DCDC2C: variants seen among roughly 807,000 people sequenced by gnomAD.
DCDC2C encodes doublecortin domain containing 2C.
DCDC2C carries 44 observed loss-of-function variants against 45.0 expected under a neutral mutation model. The ratio of observed to expected loss-of-function variants is 0.98; its 90% confidence interval spans 0.77 to 1.26. DCDC2C has a LOEUF of 1.26. Ranked by LOEUF, DCDC2C falls within the 50% of genes most tolerant of loss-of-function variation. DCDC2C has a pLI of 0.00. For synonymous variants in DCDC2C, 187 were observed against 178.8 expected, an observed-to-expected ratio of 1.05 and a Z score of -0.37; for missense variants, 447 against 468.9, an observed-to-expected ratio of 0.95 and a Z score of 0.43.
chr2:3,717,326 C>T (rs1303953951), intron 2 of DCDC2C, among the ~76,000 whole-genome samples: 2 of 152,190 alleles, frequency 1.3e-5, no homozygotes. Flanking sequence ...ACTCATTGGC[C>T]TCTGACTCCA....
In DCDC2C at chr2:3,847,923, G is replaced by T. The variant is rs183278965; in HGVS notation, c.*740G>T. Among the ~76,000 whole-genome samples the T allele has an allele frequency of 8.3e-4, 127 of 152,252 alleles. No homozygotes were observed. Among genetic ancestry groups the T allele is most frequent in the African/African-American group, 2.9e-3 (120 of 41,548 alleles). On this transcript the variant is annotated 3_prime_UTR_variant, in exon 11 of 11. Transcript: ENST00000399143. ...TCCCCTTCGCCCTTCTGCTATGATT[G>T]TAAGTTTCCTGAGGCCTCCCAAGCC...
At chr2:3,725,421 C>T (rs1668619085) in intron 2 of DCDC2C, among the ~76,000 whole-genome samples, 1 of 104,708 alleles carries the variant, frequency 9.6e-6, no homozygotes. Flanking sequence ...GAGGAGGCTG[C>T]CAGGTGGATC....
At chr2:3,730,986 G>A (rs192578992) in intron 3 of DCDC2C, among the ~76,000 whole-genome samples, 2 of 152,314 alleles carry the variant, frequency 1.3e-5, no homozygotes, top group Admixed American at 6.5e-5. Flanking sequence ...ACTCGTGCAC[G>A]AACACCTCCC....
chr2:3,778,306 T>G (rs529064061), intron 8 of DCDC2C, among the ~76,000 whole-genome samples: 90 of 152,304 alleles, frequency 5.9e-4, no homozygotes, highest in African/African-American at 2.1e-3. Context: ...TGGAGAGTCT[T>G]TTCTTTGGTC....
At chr2:3,776,305 C>G (rs1670334860) in intron 8 of DCDC2C, among the ~76,000 whole-genome samples, 1 of 152,220 alleles carries the variant, frequency 6.6e-6, no homozygotes, top group Non-Finnish European at 1.5e-5. Context: ...TCTGTCTCCC[C>G]TCATGCGTGG....
rs1471977122 is a variant in DCDC2C at position 3,769,383 on chromosome 2, A to G, written c.926A>G (p.Asn309Ser). ...GCGCTGGACGTCAAAGAGGAGCACA[A>G]TGTGCAGCTGGAGGTGCCTGTGGAC... ...QGALDVKEEHNVQLEVPVDQR... is the reference protein window; with the variant it reads ...QGALDVKEEHSVQLEVPVDQR... Residue 309 changes from asparagine (N) to serine (S), a missense_variant, in exon 8 of 11, where the codon AAT becomes AGT. By Grantham distance (46) the Asn-to-Ser change is conservative (BLOSUM62 1). Coordinates refer to ENST00000399143, the MANE Select transcript of DCDC2C (RefSeq NM_001287444.2). The G allele has an allele frequency of 2.6e-6, 4 of 1,550,508 alleles. No homozygotes were observed. The highest frequency in any genetic ancestry group is 2.4e-5 in the East Asian group (1 of 40,916).
chr2:3,753,242 T>A (rs772300798), intron 5 of DCDC2C, among the ~76,000 whole-genome samples: 6 of 152,236 alleles, frequency 3.9e-5, no homozygotes, highest in Non-Finnish European at 8.8e-5. Context: ...CATGATGCTT[T>A]GTTTTCTTAA....
At chr2:3,739,786 C>T (rs576684323) in intron 3 of DCDC2C, among the ~76,000 whole-genome samples, 156 of 152,356 alleles carry the variant, frequency 1.0e-3, no homozygotes, top group Admixed American at 6.0e-3. Flanking sequence ...TGCAACAAGG[C>T]AGGGGTCTAA....
intron 10 of DCDC2C, among the ~76,000 whole-genome samples, chr2:3,792,164 G>A (rs534419151): frequency 6.6e-6 from 1 of 152,192 alleles, no homozygotes; most frequent in Non-Finnish European, 1.5e-5. Context: ...GGTATCTCCC[G>A]TGGGGTTAGA....
At chr2:3,730,305 C>G (rs1302014744) in intron 3 of DCDC2C, among the ~76,000 whole-genome samples, 2 of 151,970 alleles carry the variant, frequency 1.3e-5, no homozygotes, top group African/African-American at 4.8e-5. Context: ...ATAAAGAAAC[C>G]GAGTCCCTTA....
chr2:3,769,251 T>C, intron 7 of DCDC2C, 60 bp from the exon 8 acceptor site: 1 of 1,487,110 alleles, frequency 6.7e-7, no homozygotes, highest in Non-Finnish European at 9.2e-7. Flanking sequence ...TCAGGAAATA[T>C]GCAGTGGACT....
At chr2:3,740,448 G>T (rs1007475203) in intron 3 of DCDC2C, among the ~76,000 whole-genome samples, 2 of 152,146 alleles carry the variant, frequency 1.3e-5, no homozygotes, top group African/African-American at 4.8e-5. Flanking sequence ...TGGTGTGCCT[G>T]TTTCTCAATA....
rs796931347 is a variant in DCDC2C at position 3,800,371 on chromosome 2, A to G, written c.1065+15271A>G. On this transcript the variant is annotated intron_variant, in intron 10 of 10. Transcript: ENST00000399143. ...GGAGCTGTAGACCAGAGCTGTTCCT[A>G]TTCGGCCATCTTGGCTCCTCCCTCT... Among the ~76,000 whole-genome samples the G allele has an allele frequency of 2.4e-4, 37 of 152,258 alleles. No individual in the cohort carries two copies. In the East Asian group the frequency reaches 4.6e-3, roughly 19 times the overall value.
intron 10 of DCDC2C, among the ~76,000 whole-genome samples, chr2:3,835,354 A>G (rs541724879): frequency 1.5e-4 from 23 of 152,354 alleles, no homozygotes; most frequent in Non-Finnish European, 2.8e-4. Flanking sequence ...TGCAATAAAA[A>G]TAGAGATAAA....
At chr2:3,709,843 A>G (rs975186773) in intron 2 of DCDC2C, among the ~76,000 whole-genome samples, 2 of 152,188 alleles carry the variant, frequency 1.3e-5, no homozygotes, top group African/African-American at 4.8e-5. Context: ...ATATTTTAGG[A>G]CAGGGAGGAA....
rs559143104 is a variant in DCDC2C, at chr2:3,734,610, G to A, written c.417-7310G>A. Among the ~76,000 whole-genome samples the A allele has an allele frequency of 3.9e-5, 6 of 152,292 alleles. No homozygotes were observed. The highest frequency in any genetic ancestry group is 9.6e-5 in the African/African-American group (4 of 41,564). Reference sequence around the variant, plus strand: ...GCAGTGGGGTCTGTAGGGTCTGAACGGGATGAGGAATGTGTGTGTCTAATA... The same window carrying A: ...GCAGTGGGGTCTGTAGGGTCTGAACAGGATGAGGAATGTGTGTGTCTAATA... On this transcript the variant is annotated intron_variant, in intron 3 of 10. Coordinates refer to ENST00000399143, the MANE Select transcript of DCDC2C (RefSeq NM_001287444.2). This position sits in a 1 kb window ranked among gnomAD's most constrained non-coding sequence, Gnocchi z 4.2.
chr2:3,726,899 C>G, intron 2 of DCDC2C, 104 bp from the exon 3 acceptor site: 1 of 1,005,842 alleles, frequency 9.9e-7, no homozygotes, highest in Non-Finnish European at 1.5e-6. Context: ...CAAAGGGGTT[C>G]CCCCCCTTTC....
intron 9 of DCDC2C, among the ~76,000 whole-genome samples, chr2:3,780,415 C>A (rs997568321): frequency 6.6e-6 from 1 of 152,212 alleles, no homozygotes; most frequent in Non-Finnish European, 1.5e-5. Flanking sequence ...TCTACTCAGG[C>A]TGCTGGGGGG....
At chr2:3,747,858 T>C (rs1324184635) in intron 4 of DCDC2C, among the ~76,000 whole-genome samples, 4 of 152,206 alleles carry the variant, frequency 2.6e-5, no homozygotes, top group African/African-American at 9.6e-5. Context: ...ATAAATGCCA[T>C]GCCAGGGGTG....
Sources: allele counts gnomAD v4.1 joint callset (sites outside exome capture counted in the v4.1 genomes callset), GRCh38; gene constraint gnomAD v4.1.1; non-coding constraint Gnocchi (gnomAD v3.1); transcripts MANE v1.5; gene names NCBI Gene and HGNC (gene_info 2026-07-23, HGNC 2026-07-21).